The following GPC5 variants were observed in gnomAD, a reference collection of about 807,000 sequenced individuals.
The protein encoded by GPC5 is glypican 5, also known as glypican-5.
GPC5 carries 47 observed loss-of-function variants against 53.9 expected under a neutral mutation model. The observed-to-expected ratio is 0.87, with a 90% CI of 0.69 to 1.11. The LOEUF (loss-of-function observed/expected upper bound fraction) is 1.11, where lower values mean the gene tolerates loss of function less well. Among genes scored for constraint, GPC5 ranks in the 50% most tolerant of loss-of-function variants. The pLI, the probability that GPC5 is intolerant of heterozygous loss-of-function variation, is 0.00. For synonymous variants in GPC5, 286 were observed against 263.3 expected, an observed-to-expected ratio of 1.09 and a Z score of -0.84; for missense variants, 748 against 713.1, an observed-to-expected ratio of 1.05 and a Z score of -0.56.
chr13:92,045,148 A>G (rs2040971866), intron 6 of GPC5, among the ~76,000 whole-genome samples: 1 of 152,172 alleles, frequency 6.6e-6, no homozygotes, highest in South Asian at 2.1e-4. Context: ...CTGCTAACAG[A>G]GCAGTTGAAT....
intron 7 of GPC5, among the ~76,000 whole-genome samples, chr13:92,172,345 T>A (rs7993836): frequency 0.29 from 44,271 of 152,068 alleles, 7,347 homozygotes; most frequent in South Asian, 0.59. Flanking sequence ...CATTTAAGGA[T>A]CATTATGGTA....
intron 7 of GPC5, among the ~76,000 whole-genome samples, chr13:92,802,024 A>G (rs1164094358): frequency 1.3e-5 from 2 of 151,882 alleles, no homozygotes; most frequent in Admixed American, 6.6e-5. Flanking sequence ...ACAGTAGTGT[A>G]CAATAATGTC....
At chr13:92,214,620 A>G (rs922580262) in intron 7 of GPC5, among the ~76,000 whole-genome samples, 1 of 152,190 alleles carries the variant, frequency 6.6e-6, no homozygotes, top group Non-Finnish European at 1.5e-5. Context: ...AAGGAGGGAA[A>G]AACTGGGAGA....
At chr13:91,572,217 A>ATACACATATGTATATATATGTGTG (rs1566517664) in intron 2 of GPC5, among the ~76,000 whole-genome samples, 4 of 89,414 alleles carry the variant, frequency 4.5e-5, no homozygotes, top group South Asian at 1.1e-3. Context: ...ATACGTGTAT[A>ATACACATATGTATATATATGTGTG]TATATACACA....
chr13:91,519,648 T>C (rs912111756), intron 2 of GPC5, among the ~76,000 whole-genome samples: 5 of 152,232 alleles, frequency 3.3e-5, no homozygotes, highest in African/African-American at 9.7e-5. Flanking sequence ...ACTTCTTTTG[T>C]TTATAAATTA....
chr13:92,470,010 G>T (rs1012561158), intron 7 of GPC5, among the ~76,000 whole-genome samples: 5 of 152,104 alleles, frequency 3.3e-5, no homozygotes, highest in Admixed American at 6.6e-5. Context: ...ATGAGTTGAG[G>T]TGTTACATAA....
Position 91,489,993 on chromosome 13 carries a change from T to G in GPC5, c.325+41071T>G, listed in dbSNP as rs187390872. 2.3e-3 allele frequency among the ~76,000 whole-genome samples: 352 copies of G among 152,296 alleles called. 1 individual carries two copies. Among genetic ancestry groups the G allele is most frequent in the Non-Finnish European group, 3.7e-3 (253 of 68,034 alleles). On this transcript the variant is annotated intron_variant, in intron 2 of 7. Transcript: ENST00000377067. ...CGGAGGGGGGAGTGAGTCACCTAGG[T>G]TGCACCTAGTGCAACTCCTTTTGTA...
chr13:92,069,801 C>A (rs529799515), intron 6 of GPC5, among the ~76,000 whole-genome samples: 1 of 152,220 alleles, frequency 6.6e-6, no homozygotes, highest in South Asian at 2.1e-4. Context: ...TTCCCACAGG[C>A]ATGTTCAAAA....
intron 5 of GPC5, among the ~76,000 whole-genome samples, chr13:91,839,820 A>T (rs529262391): frequency 6.6e-6 from 1 of 152,254 alleles, no homozygotes; most frequent in East Asian, 1.9e-4. Flanking sequence ...TTCAAATTGT[A>T]TCATTCAGTA....
At chr13:92,745,744 A>C (rs1359408231) in intron 7 of GPC5, among the ~76,000 whole-genome samples, 1 of 152,146 alleles carries the variant, frequency 6.6e-6, no homozygotes, top group African/African-American at 2.4e-5. Context: ...TTATTTAACA[A>C]GTAAAATACT....
intron 6 of GPC5, among the ~76,000 whole-genome samples, chr13:91,991,969 A>G (rs1566382172): frequency 6.6e-6 from 1 of 152,246 alleles, no homozygotes; most frequent in Non-Finnish European, 1.5e-5. Flanking sequence ...TTTATGATGT[A>G]CACATACATA....
At chr13:92,491,882 G>C (rs9561072) in intron 7 of GPC5, among the ~76,000 whole-genome samples, 133,854 of 152,128 alleles carry the variant, frequency 0.88, 59,143 homozygotes, top group African/African-American at 0.96. Context: ...TTTCTTCTCT[G>C]TTGGTTCAAA....
chr13:92,193,985 A>G (rs759769936), intron 7 of GPC5, among the ~76,000 whole-genome samples: 1 of 152,194 alleles, frequency 6.6e-6, no homozygotes, highest in Non-Finnish European at 1.5e-5. Flanking sequence ...AGTGTTTAGT[A>G]CCATGGTGAA....
intron 7 of GPC5, among the ~76,000 whole-genome samples, chr13:92,432,807 T>C (rs1877151250): frequency 6.6e-6 from 1 of 152,106 alleles, no homozygotes; most frequent in Non-Finnish European, 1.5e-5. Flanking sequence ...AATTAACCTC[T>C]AAGTAGCATG....
chr13:91,969,522 T>C (rs1250041467), intron 6 of GPC5, among the ~76,000 whole-genome samples: 8 of 151,784 alleles, frequency 5.3e-5, no homozygotes, highest in Non-Finnish European at 7.4e-5. Context: ...AAACAAGGGG[T>C]ACTATACCAA....
chr13:91,875,503 G>C (rs2039192446), intron 5 of GPC5, among the ~76,000 whole-genome samples: 1 of 152,072 alleles, frequency 6.6e-6, no homozygotes, highest in Non-Finnish European at 1.5e-5. Context: ...CTACTTAATA[G>C]GATGTTTTGT....
chr13:92,168,525 G>A (rs1023779928), intron 7 of GPC5, among the ~76,000 whole-genome samples: 8 of 151,972 alleles, frequency 5.3e-5, no homozygotes, highest in Non-Finnish European at 1.2e-4. Flanking sequence ...GTGGGCAAAG[G>A]ACATGAACAG....
Position 92,718,767 on chromosome 13 carries a change from G to A in GPC5, c.1562-147515G>A, listed in dbSNP as rs557054409. Among the ~76,000 whole-genome samples the A allele has an allele frequency of 7.9e-5, 12 of 152,006 alleles. No homozygotes were observed. The South Asian group carries it at 1.9e-3, about 24-fold the overall frequency. ...AGGTGCCTGTAATCCCAGATACTCC[G>A]GAGGCTGAGGTGGGAGAATTGCTTG... On this transcript the variant is annotated intron_variant, in intron 7 of 7. Transcript: ENST00000377067.
In GPC5 at chr13:92,217,911, C is replaced by CTTTT. The variant is rs61595116; in HGVS notation, c.1561+72944_1561+72947dup. Among the ~76,000 whole-genome samples the CTTTT allele has an allele frequency of 6.6e-4, 56 of 85,182 alleles. 1 individual carries two copies. The highest frequency in any genetic ancestry group is 1.3e-3 in the African/African-American group (26 of 19,948). The allele number at this position is 85,182 out of a possible 152,430, so 55.9% of individuals were successfully genotyped here. On this transcript the variant is annotated intron_variant, in intron 7 of 7. Coordinates refer to ENST00000377067, the MANE Select transcript of GPC5 (RefSeq NM_004466.6). ...TTCCATGGCACTGGTATTATTTCTA[C>CTTTT]TTTTTTTTTTTTTTTTTTTTTTTTT...
Sources: gnomAD v4.1 joint callset for allele counts (sites outside exome capture counted in the v4.1 genomes callset) on GRCh38, gnomAD v4.1.1 for gene constraint, MANE v1.5 for transcripts, NCBI Gene and HGNC (gene_info 2026-07-23, HGNC 2026-07-21) for gene names.